HPSE2: variants seen among roughly 807,000 people sequenced by gnomAD.
HPSE2 encodes the protein heparanase 2 (inactive).
Under a neutral mutation model 60.5 loss-of-function variants are expected in HPSE2, and 38 were observed. The ratio of observed to expected loss-of-function variants is 0.63; its 90% CI spans 0.48 to 0.82. The LOEUF is 0.82. Ranked by LOEUF, HPSE2 falls within the 40% of genes least tolerant of loss-of-function variation. HPSE2 has a pLI of 0.00. For missense variants in HPSE2, 713 were observed against 740.4 expected (o/e 0.96, Z 0.43); for synonymous variants, 295 against 293.2 (o/e 1.01, Z -0.06).
At chr10:99,289,114 G>C in the HPSE2 span, among the ~76,000 whole-genome samples, 1 of 152,098 alleles carries the variant, frequency 6.6e-6, no homozygotes, top group Non-Finnish European at 1.5e-5. Context: ...TTGGGTCATA[G>C]GAGAGGCAAT....
At chr10:98,986,444 C>T (rs373988730) in intron 3 of HPSE2, among the ~76,000 whole-genome samples, 2 of 150,516 alleles carry the variant, frequency 1.3e-5, no homozygotes, top group East Asian at 2.0e-4. Flanking sequence ...TTGAAACCAA[C>T]GAGAACAAAG....
chr10:98,516,013 T>C (rs1255534866), intron 9 of HPSE2, among the ~76,000 whole-genome samples: 1 of 152,216 alleles, frequency 6.6e-6, no homozygotes, highest in Non-Finnish European at 1.5e-5. Context: ...CCTGCAGTTC[T>C]CCCTGCTGAT....
At chr10:98,731,286 A>T (rs1037810550) in intron 4 of HPSE2, among the ~76,000 whole-genome samples, 4 of 152,068 alleles carry the variant, frequency 2.6e-5, no homozygotes, top group African/African-American at 9.7e-5. Flanking sequence ...CTCAAAAACA[A>T]CAACAACAAC....
At chr10:98,580,377 TCTA>T (rs1159029641) in intron 9 of HPSE2, among the ~76,000 whole-genome samples, 1 of 152,158 alleles carries the variant, frequency 6.6e-6, no homozygotes. Flanking sequence ...CTTCTCCACA[TCTA>T]CTAGTGAAAT....
Position 99,229,138 on chromosome 10 carries a change from C to T in HPSE2, c.448+3210G>A, listed in dbSNP as rs1017143319. ...GCAGTAAATCAAGATAATGCCACTG[C>T]CCTCTAGCCTGGGCAAAAGAGGAGA... is the stretch of plus-strand genomic sequence containing the variant. On this transcript the variant is annotated intron_variant, in intron 2 of 11. Transcript: ENST00000370552. 6.6e-5 allele frequency among the ~76,000 whole-genome samples: 10 copies of T among 151,946 alleles called. No individual in the cohort carries two copies. The East Asian group carries it at 1.7e-3, about 26-fold the overall frequency.
At chr10:98,823,410 G>T (rs1171210123) in intron 3 of HPSE2, among the ~76,000 whole-genome samples, 2 of 152,166 alleles carry the variant, frequency 1.3e-5, no homozygotes, top group Non-Finnish European at 2.9e-5. Flanking sequence ...CTTGAGGCCA[G>T]GAGTTCAAGA....
chr10:98,697,695 A>G (rs1046998345), intron 5 of HPSE2, among the ~76,000 whole-genome samples: 42 of 152,286 alleles, frequency 2.8e-4, no homozygotes, highest in African/African-American at 9.1e-4. Flanking sequence ...CAACCCCAAG[A>G]CACGTAATGA....
At position 98,577,179 on chromosome 10, in the gene HPSE2, C is replaced by G. The variant is rs536377741; in HGVS notation, c.1320+37725G>C. On this transcript the variant is annotated intron_variant, in intron 9 of 11. Coordinates refer to ENST00000370552, the MANE Select transcript of HPSE2 (RefSeq NM_021828.5). ...ATGGAAACCATCCACAGGCAAGCAG[C>G]TTGCTGATTACTTTAACTTGTCTTT... 3.9e-5 allele frequency among the ~76,000 whole-genome samples: 6 copies of G among 152,088 alleles called. No homozygotes were observed. The South Asian group carries it at 1.2e-3, about 32-fold the overall frequency.
upstream of HPSE2, chr10:99,235,969 CGCT>C (rs1399442090): frequency 2.9e-6 from 1 of 350,440 alleles, no homozygotes; most frequent in African/African-American, 5.3e-5. Flanking sequence ...CTCTCTCTCT[CGCT>C]CGCTCGCTCG....
intron 9 of HPSE2, among the ~76,000 whole-genome samples, chr10:98,562,268 C>T: frequency 6.6e-6 from 1 of 152,182 alleles, no homozygotes; most frequent in East Asian, 1.9e-4. Context: ...TAAATACACA[C>T]TATGATGTTC....
chr10:98,917,029 CCTCACATGGGGA>C, intron 3 of HPSE2, among the ~76,000 whole-genome samples: 1 of 152,180 alleles, frequency 6.6e-6, no homozygotes, highest in East Asian at 1.9e-4. Flanking sequence ...AAAATAAAGG[CCTCACATGGGGA>C]CTTGGCAACT....
chr10:98,729,012 C>CAAAAG (rs371166035), intron 4 of HPSE2, among the ~76,000 whole-genome samples: 1,957 of 150,844 alleles, frequency 0.013, 26 homozygotes, highest in African/African-American at 0.041. Flanking sequence ...TTGTATGAAA[C>CAAAAG]AAAAGAAAAG....
chr10:99,258,655 A>G, the HPSE2 span, among the ~76,000 whole-genome samples: 1 of 152,356 alleles, frequency 6.6e-6, no homozygotes, highest in South Asian at 2.1e-4. Context: ...TAATCAAGGC[A>G]ATGTATTATT....
intron 5 of HPSE2, among the ~76,000 whole-genome samples, chr10:98,706,022 A>C (rs1291928648): frequency 6.6e-6 from 1 of 152,172 alleles, no homozygotes; most frequent in African/African-American, 2.4e-5. Context: ...TTTGTCATAA[A>C]ATGCTTTTCA....
At chr10:98,951,102 C>T (rs576038618) in intron 3 of HPSE2, among the ~76,000 whole-genome samples, 3 of 152,124 alleles carry the variant, frequency 2.0e-5, no homozygotes, top group Admixed American at 2.0e-4. Flanking sequence ...TAGAGGGGCA[C>T]AAGATGAGGA....
chr10:98,759,290 C>T (rs7474758), intron 3 of HPSE2, among the ~76,000 whole-genome samples: 1 of 151,942 alleles, frequency 6.6e-6, no homozygotes, highest in Admixed American at 6.6e-5. Flanking sequence ...TCATGACACA[C>T]AATTTACCCA....
At chr10:99,202,124 T>G (rs906198800) in intron 2 of HPSE2, among the ~76,000 whole-genome samples, 1 of 152,192 alleles carries the variant, frequency 6.6e-6, no homozygotes, top group African/African-American at 2.4e-5. Context: ...GATAGAGATA[T>G]AGATATAGAT....
chr10:98,512,454 G>A (rs543429692), intron 9 of HPSE2, among the ~76,000 whole-genome samples: 46 of 152,068 alleles, frequency 3.0e-4, no homozygotes, highest in Admixed American at 2.5e-3. Flanking sequence ...GCGTGGTAGC[G>A]GGTGCCTGTA....
chr10:98,520,394 A>G (rs947254030), intron 9 of HPSE2, among the ~76,000 whole-genome samples: 2 of 152,218 alleles, frequency 1.3e-5, no homozygotes, highest in African/African-American at 4.8e-5. Flanking sequence ...CATACAGACC[A>G]TGTACAGAGA....
Sources: allele counts gnomAD v4.1 joint callset (sites outside exome capture counted in the v4.1 genomes callset), GRCh38; gene constraint gnomAD v4.1.1; transcripts MANE v1.5; gene names NCBI Gene and HGNC (gene_info 2026-07-23, HGNC 2026-07-21).